The following FSHR variants were observed in gnomAD, a reference collection of about 807,000 sequenced individuals.
FSHR encodes follicle stimulating hormone receptor.
Under a neutral mutation model 52.1 loss-of-function variants are expected in FSHR, and 46 were observed. The observed-to-expected ratio is 0.88, with a 90% CI of 0.70 to 1.13. FSHR has a LOEUF of 1.13. FSHR is among the 50% of genes most tolerant of loss of function. The pLI is 0.00. For synonymous variants in FSHR, 399 were observed against 309.6 expected (o/e 1.29, Z -3.03); for missense variants, 964 against 834.6 (o/e 1.16, Z -1.91).
intron 8 of FSHR, among the ~76,000 whole-genome samples, chr2:48,972,485 T>C (rs1168365575): frequency 2.0e-5 from 3 of 152,220 alleles, no homozygotes; most frequent in African/African-American, 2.4e-5. Context: ...ATACTTCCCA[T>C]TGTTTTAGAG....
chr2:49,146,627 T>C (rs1672881534), intron 1 of FSHR, among the ~76,000 whole-genome samples: 2 of 152,018 alleles, frequency 1.3e-5, no homozygotes, highest in African/African-American at 4.8e-5. Flanking sequence ...GCGCAAGGAT[T>C]ACACAGCTGC....
chr2:49,017,500 G>A lies in FSHR; in HGVS notation c.363C>T (p.Asn121=), dbSNP rs1337130205. 1.2e-6 allele frequency: 2 copies of A among 1,612,332 alleles called. No individual in the cohort carries two copies. The highest frequency in any genetic ancestry group is 2.2e-5 in the East Asian group (1 of 44,846). ...INPEAFQNLP[N]LQYLLISNTG... ...ACATGAGTTCTTACAGATATTGAAG[G>A]TTGGGAAGGTTCTGGAAGGCCTCAG... is the stretch of plus-strand genomic sequence containing the variant. Residue 121 remains asparagine (N), a synonymous_variant, in exon 4 of 10, where the codon AAC becomes AAT. Coordinates refer to ENST00000406846, the MANE Select transcript of FSHR (RefSeq NM_000145.4).
At chr2:49,079,014 G>C (rs1477167060) in intron 1 of FSHR, among the ~76,000 whole-genome samples, 1 of 152,092 alleles carries the variant, frequency 6.6e-6, no homozygotes, top group African/African-American at 2.4e-5. Flanking sequence ...AGCCTACTCT[G>C]TAACCAGTCT....
At chr2:49,038,626 AAAT>A (rs56326531) in intron 2 of FSHR, among the ~76,000 whole-genome samples, 5,933 of 70,492 alleles carry the variant, frequency 0.084, 334 homozygotes, top group African/African-American at 0.097. Flanking sequence ...CTCTGTCTCA[AAAT>A]AATAATAATA....
chr2:49,105,103 C>T (rs923005178), intron 1 of FSHR, among the ~76,000 whole-genome samples: 4 of 152,026 alleles, frequency 2.6e-5, no homozygotes, highest in African/African-American at 9.7e-5. Flanking sequence ...GGTACTGAGA[C>T]CAATCACACT....
intron 1 of FSHR, among the ~76,000 whole-genome samples, chr2:49,131,133 A>AT (rs1374224227): frequency 6.6e-6 from 1 of 152,176 alleles, no homozygotes; most frequent in Non-Finnish European, 1.5e-5. Flanking sequence ...GAAAAATACA[A>AT]TAAATGGGGA....
chr2:49,013,943 TC>T (rs1364687247), intron 4 of FSHR, among the ~76,000 whole-genome samples: 17 of 152,000 alleles, frequency 1.1e-4, no homozygotes, highest in Admixed American at 6.6e-5. Flanking sequence ...TCTCTCTTTC[TC>T]TCTGTGTATA....
intron 2 of FSHR, among the ~76,000 whole-genome samples, chr2:49,023,304 A>G (rs1437392850): frequency 6.6e-6 from 1 of 152,166 alleles, no homozygotes; most frequent in Non-Finnish European, 1.5e-5. Flanking sequence ...TATCTCTAGC[A>G]TCTAGTGATA....
At chr2:49,055,123 C>G (rs963634566) in intron 2 of FSHR, among the ~76,000 whole-genome samples, 1 of 151,660 alleles carries the variant, frequency 6.6e-6, no homozygotes, top group Non-Finnish European at 1.5e-5. Context: ...TACAGATAGA[C>G]AATTTAATCA....
chr2:49,010,825 T>A (rs576070972), intron 4 of FSHR, among the ~76,000 whole-genome samples: 1,758 of 152,332 alleles, frequency 0.012, 41 homozygotes, highest in African/African-American at 0.04. Context: ...TAGAGGTGTT[T>A]GTAGTATTCT....
At chr2:49,104,863 A>C (rs745990624) in intron 1 of FSHR, among the ~76,000 whole-genome samples, 7 of 53,024 alleles carry the variant, frequency 1.3e-4, no homozygotes, top group African/African-American at 4.5e-4. Flanking sequence ...AGATGGGGGG[A>C]GGGGGGGCGG....
At chr2:49,119,378 T>C (rs964360875) in intron 1 of FSHR, among the ~76,000 whole-genome samples, 4 of 150,346 alleles carry the variant, frequency 2.7e-5, no homozygotes, top group Admixed American at 6.6e-5. Context: ...AGGATCATCT[T>C]TGTTTTTTTT....
rs534202892 is a variant in FSHR, at chr2:49,127,667, C to T, written c.152+26599G>A. On this transcript the variant is annotated intron_variant, in intron 1 of 9. Coordinates refer to ENST00000406846, the MANE Select transcript of FSHR (RefSeq NM_000145.4). ...CACACTCTCATCTTGCCAATCCTGC[C>T]TCTGCTACCTGTCTTGTCTGAATTC... Among the ~76,000 whole-genome samples the T allele has an allele frequency of 1.1e-4, 16 of 152,176 alleles. 1 individual carries two copies. Among genetic ancestry groups the T allele is most frequent in the African/African-American group, 3.6e-4 (15 of 41,510 alleles).
At chr2:49,010,599 A>C (rs1392811977) in intron 4 of FSHR, among the ~76,000 whole-genome samples, 2 of 151,090 alleles carry the variant, frequency 1.3e-5, no homozygotes, top group Non-Finnish European at 3.0e-5. Flanking sequence ...TTTCAGAAGG[A>C]ATGGTACCAG....
intron 8 of FSHR, among the ~76,000 whole-genome samples, chr2:48,981,174 A>G (rs895976952): frequency 6.6e-6 from 1 of 152,194 alleles, no homozygotes; most frequent in Non-Finnish European, 1.5e-5. Context: ...TATATGCCCA[A>G]CACTCTCCAT....
At chr2:49,084,303 C>A (rs1670292144) in intron 1 of FSHR, among the ~76,000 whole-genome samples, 2 of 151,866 alleles carry the variant, frequency 1.3e-5, no homozygotes, top group South Asian at 4.2e-4. Context: ...CCAACGAGAA[C>A]AAAGACACAA....
At chr2:49,151,287 C>T (rs976726350) in intron 1 of FSHR, among the ~76,000 whole-genome samples, 1 of 151,886 alleles carries the variant, frequency 6.6e-6, no homozygotes, top group Admixed American at 6.6e-5. Context: ...CAGAGCTACT[C>T]AACTTTTTTG....
Position 49,057,503 on chromosome 2 carries a change from C to G in FSHR, c.224+10716G>C, listed in dbSNP as rs570178174. Among the ~76,000 whole-genome samples, 11 of 152,000 alleles carry G rather than the reference C, an allele frequency of 7.2e-5. No homozygotes were observed. The South Asian group carries it at 1.5e-3, about 20-fold the overall frequency. On this transcript the variant is annotated intron_variant, in intron 2 of 9. Coordinates refer to ENST00000406846, the MANE Select transcript of FSHR (RefSeq NM_000145.4). Reference sequence around the variant, plus strand: ...AGAATAAATAGAAAATCTGAATAGACCAATAATAAGTGACAAGTTTGAACA... The same window carrying G: ...AGAATAAATAGAAAATCTGAATAGAGCAATAATAAGTGACAAGTTTGAACA...
chr2:49,088,002 T>C (rs5019894), intron 1 of FSHR, among the ~76,000 whole-genome samples: 35,513 of 152,090 alleles, frequency 0.23, 4,265 homozygotes, highest in African/African-American at 0.27. Flanking sequence ...ATTTGCAGTA[T>C]CTAATATAAT....
Sources: gnomAD v4.1 joint callset for allele counts (sites outside exome capture counted in the v4.1 genomes callset) on GRCh38, gnomAD v4.1.1 for gene constraint, MANE v1.5 for transcripts, NCBI Gene and HGNC (gene_info 2026-07-23, HGNC 2026-07-21) for gene names.